The following HOATZ variants were observed in gnomAD, a reference collection of about 807,000 sequenced individuals.
The protein encoded by HOATZ is cilia- and flagella-associated protein HOATZ.
In HOATZ, 26 loss-of-function variants were observed where a neutral mutation model predicts 24.9. The ratio of observed to expected loss-of-function variants is 1.04; its 90% CI spans 0.76 to 1.45. HOATZ has a LOEUF of 1.45. Ranked by LOEUF, HOATZ falls within the 40% of genes most tolerant of loss-of-function variation. The pLI is 0.00. For synonymous variants in HOATZ, 83 were observed against 76.6 expected (o/e 1.08, Z -0.43); for missense variants, 226 against 201.5 (o/e 1.12, Z -0.74).
chr11:111,532,788 T>G (rs1053672605), intron 3 of HOATZ, among the ~76,000 whole-genome samples: 1 of 152,244 alleles, frequency 6.6e-6, no homozygotes, highest in African/African-American at 2.4e-5. Flanking sequence ...GTGTCTATTC[T>G]CACTTCTTAT....
rs12276593 is a variant in HOATZ at position 111,525,017 on chromosome 11, C to T, written c.340-8729C>T. 1.4e-3 allele frequency: 495 copies of T among 355,336 alleles called. 2 individuals are homozygous for T. The highest frequency in any genetic ancestry group is 1.0e-2 in the African/African-American group (455 of 45,564). 22.0% of individuals were successfully genotyped at this position (355,336 alleles called of 1,614,324 possible). A position where few individuals can be genotyped will look rare whatever the true frequency, so the allele number is the denominator to read the frequency against. On this transcript the variant is annotated intron_variant, in intron 3 of 5. Transcript: ENST00000375618. ...CAAAGTTTCTGGGACTACAGGTGCA[C>T]ACCATCACATCCAGCTACATTTTTT...
At chr11:111,524,763 G>A in intron 3 of HOATZ, 1 of 376,660 alleles carries the variant, frequency 2.7e-6, no homozygotes, top group Non-Finnish European at 5.2e-6. Flanking sequence ...TTCTTGGCCA[G>A]GTCAAAAAAA....
At chr11:111,531,552 C>A (rs974570693) in intron 3 of HOATZ, among the ~76,000 whole-genome samples, 1 of 152,168 alleles carries the variant, frequency 6.6e-6, no homozygotes, top group Non-Finnish European at 1.5e-5. Flanking sequence ...CATTGAATAC[C>A]TGCATTGAAA....
chr11:111,532,751 G>A (rs1206751569), intron 3 of HOATZ, among the ~76,000 whole-genome samples: 1 of 152,122 alleles, frequency 6.6e-6, no homozygotes, highest in Non-Finnish European at 1.5e-5. Context: ...ATAGATGACA[G>A]AATCTGCACC....
chr11:111,529,656 C>T (rs969231806), intron 3 of HOATZ, among the ~76,000 whole-genome samples: 2 of 152,074 alleles, frequency 1.3e-5, no homozygotes, highest in East Asian at 1.9e-4. Context: ...CCACCGCACC[C>T]GGCCCCTCGT....
At chr11:111,528,658 A>C (rs1365431523) in intron 3 of HOATZ, among the ~76,000 whole-genome samples, 1 of 152,242 alleles carries the variant, frequency 6.6e-6, no homozygotes, top group Non-Finnish European at 1.5e-5. Context: ...AAGCTGGATT[A>C]GCTCCACCTG....
chr11:111,530,629 A>AC (rs1867384186), intron 3 of HOATZ, among the ~76,000 whole-genome samples: 2 of 152,138 alleles, frequency 1.3e-5, no homozygotes, highest in Admixed American at 6.6e-5. Flanking sequence ...ATAAATTCTG[A>AC]CCCCCTTGTA....
intron 3 of HOATZ, among the ~76,000 whole-genome samples, chr11:111,530,939 T>C (rs972776089): frequency 2.6e-5 from 4 of 152,208 alleles, no homozygotes; most frequent in African/African-American, 7.2e-5. Context: ...AGATCATATT[T>C]GAAATATTTG....
Position 111,515,006 on chromosome 11 carries a change from G to A in HOATZ, c.222G>A (p.Gly74=), listed in dbSNP as rs774671698. Reference sequence around the variant, plus strand: ...TGGCGCGGCCCAGGAGGAGCAGAGGGTCTGGTGAGTAGAATAGCGGCCTCC... The same window carrying A: ...TGGCGCGGCCCAGGAGGAGCAGAGGATCTGGTGAGTAGAATAGCGGCCTCC... The part of the protein sequence containing the change: ...LPVARPRRSR[G]SENSHSSQSF... The change falls in exon 1 of 6, where the codon GGG becomes GGA. Residue 74 remains glycine, a synonymous_variant. Transcript: ENST00000375618. 137 of 1,611,406 alleles carry A rather than the reference G, an allele frequency of 8.5e-5. 1 individual carries two copies. The Middle Eastern group carries it at 2.0e-3, about 23-fold the overall frequency.
At chr11:111,522,046 C>T (rs879504335) in intron 3 of HOATZ, among the ~76,000 whole-genome samples, 5 of 152,144 alleles carry the variant, frequency 3.3e-5, no homozygotes, top group Non-Finnish European at 7.3e-5. Flanking sequence ...TAGACCCAGC[C>T]TCAGAGTTCC....
chr11:111,529,678 T>C (rs1403549079), intron 3 of HOATZ, among the ~76,000 whole-genome samples: 4 of 152,112 alleles, frequency 2.6e-5, no homozygotes, highest in Non-Finnish European at 5.9e-5. Context: ...TTATTTTTGA[T>C]GAATGTTTCA....
At chr11:111,524,159 C>T (rs7130570) in intron 3 of HOATZ, among the ~76,000 whole-genome samples, 5,525 of 152,250 alleles carry the variant, frequency 0.036, 343 homozygotes, top group African/African-American at 0.12. Context: ...ATAAAGTATT[C>T]ATTTAATAGG....
rs564615586 is a variant in HOATZ at position 111,514,927 on chromosome 11, C to G, written c.143C>G (p.Pro48Arg). The change falls in exon 1 of 6, where the codon CCC becomes CGC. Residue 48 changes from proline to arginine, a missense_variant. Physicochemically the swap from Pro to Arg is moderately radical, Grantham distance 103. Coordinates refer to ENST00000375618, the MANE Select transcript of HOATZ (RefSeq NM_001100388.2). ...TTCTGGATCTCGGCGTCGATGTATC[C>G]CCCTAGCGAATCTCAGCTGGTGCTG... ...KQFWISASMY[P>R]PSESQLVLRR... is the part of the protein sequence containing the mutation. The G allele has an allele frequency of 5.6e-6, 9 of 1,614,036 alleles. No individual in the cohort carries two copies. The highest frequency in any genetic ancestry group is 6.8e-6 in the Non-Finnish European group (8 of 1,180,018).
In HOATZ at chr11:111,536,904, T is replaced by C; in HGVS notation, c.*77T>C. 3 of 1,112,636 alleles carry C rather than the reference T, an allele frequency of 2.7e-6. No homozygotes were observed. The highest frequency in any genetic ancestry group is 4.1e-6 in the Non-Finnish European group (3 of 726,742). 68.9% of individuals were successfully genotyped at this position (1,112,636 alleles called of 1,614,324 possible). On this transcript the variant is annotated 3_prime_UTR_variant, in exon 6 of 6. Coordinates refer to ENST00000375618, the MANE Select transcript of HOATZ (RefSeq NM_001100388.2). ...CAACCTTCTCTTAGATCAGGATCAT[T>C]GAGATCACTGGCAACATTATAGTAG...
At chr11:111,527,966 G>A (rs1045755886) in intron 3 of HOATZ, among the ~76,000 whole-genome samples, 2 of 152,190 alleles carry the variant, frequency 1.3e-5, no homozygotes, top group Non-Finnish European at 2.9e-5. Flanking sequence ...CTTGCAGAAT[G>A]TGAACTGAAA....
chr11:111,515,572 C>A lies in HOATZ; in HGVS notation c.268+20C>A, dbSNP rs767135790. ...GTAACAGTAAGTACCAAGTTTTATGCCTTTCAACATTCTGACTCCTAGGTT... is the reference window on the plus strand; with the variant it reads ...GTAACAGTAAGTACCAAGTTTTATGACTTTCAACATTCTGACTCCTAGGTT... On this transcript the variant is annotated intron_variant, in intron 2 of 5. Coordinates refer to ENST00000375618, the MANE Select transcript of HOATZ (RefSeq NM_001100388.2). 5.6e-6 allele frequency: 9 copies of A among 1,599,340 alleles called. No individual in the cohort carries two copies. The highest frequency in any genetic ancestry group is 1.7e-4 in the Middle Eastern group (1 of 6,052).
chr11:111,515,376 C>T, intron 1 of HOATZ, 135 bp from the exon 2 acceptor site: 1 of 692,532 alleles, frequency 1.4e-6, no homozygotes, highest in Non-Finnish European at 2.6e-6. Context: ...CAATGAACTT[C>T]CTGGACCTGT....
intron 3 of HOATZ, chr11:111,526,785 C>G (rs1438898751): frequency 6.6e-6 from 1 of 152,172 alleles, no homozygotes; most frequent in Non-Finnish European, 1.5e-5. Context: ...TCCCTAACCT[C>G]TCCTTCTTAA....
At chr11:111,528,017 G>C (rs534505408) in intron 3 of HOATZ, among the ~76,000 whole-genome samples, 17 of 152,118 alleles carry the variant, frequency 1.1e-4, no homozygotes, top group Non-Finnish European at 1.8e-4. Flanking sequence ...TCAATCACTG[G>C]GATAGAATTA....
Sources: allele counts gnomAD v4.1 joint callset (sites outside exome capture counted in the v4.1 genomes callset), GRCh38; gene constraint gnomAD v4.1.1; transcripts MANE v1.5; gene names NCBI Gene and HGNC (gene_info 2026-07-23, HGNC 2026-07-21).